NTM: variants seen among roughly 807,000 people sequenced by gnomAD.
The protein encoded by NTM is neurotrimin.
Under a neutral mutation model 42.1 loss-of-function variants are expected in NTM, and 13 were observed. The ratio of observed to expected loss-of-function variants is 0.31; its 90% CI spans 0.20 to 0.49. The LOEUF is 0.49. NTM is among the 20% of genes least tolerant of loss of function. The probability of loss-of-function intolerance (pLI) is 0.99; values close to 1 mark genes in which losing one functional copy is unlikely to be tolerated. For missense variants in NTM, 373 were observed against 452.8 expected (o/e 0.82, Z 1.60); for synonymous variants, 187 against 179.2 (o/e 1.04, Z -0.35).
intron 1 of NTM, among the ~76,000 whole-genome samples, chr11:131,864,608 A>G (rs2046957403): frequency 2.0e-5 from 3 of 152,170 alleles, no homozygotes. Context: ...GGAGAATAAG[A>G]GTAGCAATAC....
intron 1 of NTM, among the ~76,000 whole-genome samples, chr11:131,801,852 G>T (rs374853059): frequency 8.6e-5 from 13 of 152,026 alleles, no homozygotes; most frequent in African/African-American, 1.9e-4. Context: ...CAGAATGTGA[G>T]CTGGGCCCAT....
chr11:131,658,541 T>C (rs983430512), intron 1 of NTM, among the ~76,000 whole-genome samples: 5 of 152,218 alleles, frequency 3.3e-5, no homozygotes, highest in African/African-American at 7.2e-5. Flanking sequence ...TAATAGAGGA[T>C]GCAGACGAGG....
chr11:132,112,718 TACACACACACACAC>T (rs61630313), intron 2 of NTM, among the ~76,000 whole-genome samples: 5 of 142,158 alleles, frequency 3.5e-5, no homozygotes, highest in East Asian at 2.2e-4. Context: ...ACTGCACACT[TACACACACACACAC>T]ACACACACAC....
rs184596592 is a variant in NTM at position 131,902,451 on chromosome 11, T to G, written c.83-9113T>G. Among the ~76,000 whole-genome samples, 598 of 152,302 alleles carry G rather than the reference T, an allele frequency of 3.9e-3. 4 individuals carry two copies. The highest frequency in any genetic ancestry group is 0.014 in the African/African-American group (578 of 41,576). ...ACAGTGAACATTTACAAATCAAACT[T>G]GGTGAACTAAACATTTAGAACCTTA... On this transcript the variant is annotated intron_variant, in intron 1 of 8. Coordinates refer to ENST00000683400, the MANE Select transcript of NTM (RefSeq NM_001352005.2).
intron 1 of NTM, among the ~76,000 whole-genome samples, chr11:131,395,640 C>T (rs367805903): frequency 2.0e-5 from 3 of 152,148 alleles, no homozygotes; most frequent in African/African-American, 4.8e-5. Context: ...TCATTAGAAC[C>T]GCTCTGAGTT....
At chr11:131,790,968 A>G (rs2090851849) in intron 1 of NTM, among the ~76,000 whole-genome samples, 1 of 152,220 alleles carries the variant, frequency 6.6e-6, no homozygotes, top group Non-Finnish European at 1.5e-5. Flanking sequence ...AACTACTACT[A>G]ATTAATATTG....
intron 3 of NTM, among the ~76,000 whole-genome samples, chr11:132,171,198 G>A (rs954264279): frequency 1.3e-5 from 2 of 152,122 alleles, no homozygotes; most frequent in Non-Finnish European, 1.5e-5. Context: ...CAAGCTCACC[G>A]AGGTCAAACA....
Position 132,132,426 on chromosome 11 carries a change from T to A in NTM, c.168-13856T>A, listed in dbSNP as rs181011470. On this transcript the variant is annotated intron_variant, in intron 2 of 8. Coordinates refer to ENST00000683400, the MANE Select transcript of NTM (RefSeq NM_001352005.2). ...CTTTGTATCATAAGCTCCTAAAATA[T>A]AGAGTAAGGAATATGTTTTGTTCTG... 3.9e-5 allele frequency among the ~76,000 whole-genome samples: 6 copies of A among 152,370 alleles called. No homozygotes were observed. In the East Asian group the frequency reaches 1.2e-3, roughly 29 times the overall value.
chr11:131,424,742 T>TTTTTTTTTTA (rs1947934391), intron 1 of NTM, among the ~76,000 whole-genome samples: 1 of 144,502 alleles, frequency 6.9e-6, no homozygotes, highest in African/African-American at 2.6e-5. Context: ...TTTTTTTTTT[T>TTTTTTTTTTA]GTATTTTTAG....
rs2069699772 is a variant in NTM at position 132,003,038 on chromosome 11, G to A, written c.167+91390G>A. Among the ~76,000 whole-genome samples, 3 of 152,260 alleles carry A rather than the reference G, an allele frequency of 2.0e-5. No homozygotes were observed. Among genetic ancestry groups the A allele is most frequent in the South Asian group, 2.1e-4 (1 of 4,832 alleles). On this transcript the variant is annotated intron_variant, in intron 2 of 8. Coordinates refer to ENST00000683400, the MANE Select transcript of NTM (RefSeq NM_001352005.2). This position sits in a 1 kb window ranked among gnomAD's most constrained non-coding sequence, Gnocchi z 6.0. Reference sequence around the variant, plus strand: ...ATTTCTGGCTTAGAAGTTAGGGTTAGGAAAGTAACTAGTGAGCGCACTAAA... The same window carrying A: ...ATTTCTGGCTTAGAAGTTAGGGTTAAGAAAGTAACTAGTGAGCGCACTAAA...
intron 4 of NTM, among the ~76,000 whole-genome samples, chr11:132,276,732 T>C (rs1485141817): frequency 2.6e-5 from 4 of 152,034 alleles, no homozygotes; most frequent in Non-Finnish European, 5.9e-5. Flanking sequence ...GAGTGTGCTC[T>C]GTGTGACCCT....
chr11:131,721,334 TC>T (rs1435791024), intron 1 of NTM, among the ~76,000 whole-genome samples: 1 of 152,192 alleles, frequency 6.6e-6, no homozygotes, highest in Non-Finnish European at 1.5e-5. Flanking sequence ...AATTCCTGGT[TC>T]CTCTAGCTTC....
intron 3 of NTM, among the ~76,000 whole-genome samples, chr11:132,176,779 A>G: frequency 8.3e-6 from 1 of 120,358 alleles, no homozygotes; most frequent in Non-Finnish European, 1.6e-5. Flanking sequence ...CCCAGTCTGG[A>G]GTGCAGTGGC....
At chr11:132,259,539 G>A (rs1406169447) in intron 4 of NTM, among the ~76,000 whole-genome samples, 1 of 151,802 alleles carries the variant, frequency 6.6e-6, no homozygotes, top group Non-Finnish European at 1.5e-5. Flanking sequence ...AATTAGCCTG[G>A]CGTGGTGGTG....
chr11:131,584,535 C>T (rs1369465221), intron 1 of NTM, among the ~76,000 whole-genome samples: 1 of 152,090 alleles, frequency 6.6e-6, no homozygotes, highest in Non-Finnish European at 1.5e-5. Flanking sequence ...CGCTGGGTCC[C>T]ATTAGTAGTC....
chr11:132,053,372 G>A (rs370795180), intron 2 of NTM, among the ~76,000 whole-genome samples: 99 of 152,272 alleles, frequency 6.5e-4, no homozygotes, highest in African/African-American at 8.2e-4. Flanking sequence ...GATGAAGAAC[G>A]GATCCAGGCA....
At chr11:131,426,563 A>G (rs1948154852) in intron 1 of NTM, among the ~76,000 whole-genome samples, 1 of 152,206 alleles carries the variant, frequency 6.6e-6, no homozygotes, top group African/African-American at 2.4e-5. Context: ...GGGACTTGGA[A>G]AAAACAAGCA....
intron 1 of NTM, among the ~76,000 whole-genome samples, chr11:131,872,780 A>G (rs1197694255): frequency 1.3e-5 from 2 of 152,202 alleles, no homozygotes; most frequent in Admixed American, 6.5e-5. Context: ...CTGTGGGGTA[A>G]TTAGACCAGA....
chr11:131,724,357 T>C (rs950367364), intron 1 of NTM, among the ~76,000 whole-genome samples: 8 of 152,186 alleles, frequency 5.3e-5, no homozygotes, highest in Admixed American at 1.3e-4. Flanking sequence ...AATTACCAGA[T>C]GATTATTAAA....
Sources: gnomAD v4.1 joint callset for allele counts (sites outside exome capture counted in the v4.1 genomes callset) on GRCh38, gnomAD v4.1.1 for gene constraint, Gnocchi (gnomAD v3.1) non-coding constraint, MANE v1.5 for transcripts, NCBI Gene and HGNC (gene_info 2026-07-23, HGNC 2026-07-21) for gene names.